ARHGAP36: variants seen among roughly 807,000 people sequenced by gnomAD.
The protein encoded by ARHGAP36 is rho GTPase-activating protein 36.
In ARHGAP36, 7 loss-of-function variants were observed where a neutral mutation model predicts 32.9. The ratio of observed to expected loss-of-function variants is 0.21; its 90% CI spans 0.12 to 0.40. The LOEUF is 0.40. ARHGAP36 is among the 10% of genes least tolerant of loss of function. ARHGAP36 has a pLI of 1.00. For synonymous variants in ARHGAP36, 165 were observed against 168.3 expected, an observed-to-expected ratio of 0.98 and a Z score of 0.15; for missense variants, 383 against 442.2, an observed-to-expected ratio of 0.87 and a Z score of 1.20.
In ARHGAP36 at chrX:131,060,463, CAATAT is replaced by C. The variant is rs761725755; in HGVS notation, c.-143+2021_-143+2025del. On this transcript the variant is annotated intron_variant, in intron 1 of 11. Coordinates refer to ENST00000276211, the MANE Select transcript of ARHGAP36 (RefSeq NM_144967.4). ...CACCACATACTTTCCACACACAACACAATATACTCACATCACCTGTGTATGCACCA... is the reference window on the plus strand; with the variant it reads ...CACCACATACTTTCCACACACAACACACTCACATCACCTGTGTATGCACCA... Among the ~76,000 whole-genome samples, 44 of 112,359 alleles carry C rather than the reference CAATAT, an allele frequency of 3.9e-4. 1 individual carries two copies. The Admixed American group carries it at 4.0e-3, about 10-fold the overall frequency.
Position 131,084,526 on chromosome X carries a change from C to T in ARHGAP36, c.749-100C>T, listed in dbSNP as rs2079823918. On this transcript the variant is annotated intron_variant, in intron 5 of 11. Transcript: ENST00000276211. ...GGGCTTGGATAACATTCCCCTGACACCCAGTGGAGGTCGCGATGCAGTAGG... is the reference window on the plus strand; with the variant it reads ...GGGCTTGGATAACATTCCCCTGACATCCAGTGGAGGTCGCGATGCAGTAGG... 3.5e-6 allele frequency: 4 copies of T among 1,129,691 alleles called. No individual in the cohort carries two copies. The Admixed American group carries it at 9.0e-5, about 25-fold the overall frequency. 93.1% of individuals were successfully genotyped at this position (1,129,691 alleles called of 1,213,427 possible).
In ARHGAP36 at chrX:131,058,387, A is replaced by G; in HGVS notation, c.-200A>G. 28 of 1,124,909 alleles carry G rather than the reference A, an allele frequency of 2.5e-5. No homozygotes were observed. Among genetic ancestry groups the G allele is most frequent in the Non-Finnish European group, 3.2e-5 (27 of 852,089 alleles). 92.7% of individuals were successfully genotyped at this position (1,124,909 alleles called of 1,213,427 possible). On this transcript the variant is annotated 5_prime_UTR_variant, in exon 1 of 12. The change abolishes an upstream ATG in the 5' untranslated region. Transcript: ENST00000276211. Reference sequence around the variant, plus strand: ...AGCTGCCGGGCACTCAGCGCGGGTCATGGCGTGGATACTGGACTGCCTTTT... The same window carrying G: ...AGCTGCCGGGCACTCAGCGCGGGTCGTGGCGTGGATACTGGACTGCCTTTT...
chrX:131,067,398 C>T (rs1009565231), intron 1 of ARHGAP36, among the ~76,000 whole-genome samples: 3 of 113,336 alleles, frequency 2.6e-5, no homozygotes, highest in Non-Finnish European at 5.6e-5. Flanking sequence ...ACGTGCGGTG[C>T]CCTCCTCTTC....
intron 2 of ARHGAP36, among the ~76,000 whole-genome samples, chrX:131,082,624 A>C (rs916463949): frequency 5.3e-5 from 6 of 113,457 alleles, no homozygotes; most frequent in Non-Finnish European, 9.4e-5. Context: ...CCGCGAACGC[A>C]GCTTGAATTG....
intron 1 of ARHGAP36, 78 bp downstream of exon 1, chrX:131,058,522 C>G: frequency 2.2e-6 from 2 of 906,646 alleles, no homozygotes; most frequent in Non-Finnish European, 2.8e-6. Flanking sequence ...CTCTGGGCGC[C>G]CTGGGGCTTG....
chrX:131,076,739 C>T (rs2079764634), intron 1 of ARHGAP36, among the ~76,000 whole-genome samples: 1 of 112,122 alleles, frequency 8.9e-6, no homozygotes, highest in South Asian at 3.7e-4. Flanking sequence ...TGTCAAATTG[C>T]TGTGTGGTCT....
At position 131,084,388 on chromosome X, in the gene ARHGAP36, C is replaced by T. The variant is rs1387110319; in HGVS notation, c.729C>T (p.Cys243=). The change falls in exon 5 of 12, where the codon TGC becomes TGT. Residue 243 remains cysteine (C), a synonymous_variant. Coordinates refer to ENST00000276211, the MANE Select transcript of ARHGAP36 (RefSeq NM_144967.4). ...TCCCCCAGGTTGTTGAGGCTTGCTGCCAATTCATTGAAAAACATGGTAAGG... is the reference window on the plus strand; with the variant it reads ...TCCCCCAGGTTGTTGAGGCTTGCTGTCAATTCATTGAAAAACATGGTAAGG... ...KQIPQVVEAC[C]QFIEKHGLSA... is the part of the protein sequence containing the mutation. 1 of 1,206,237 alleles carries T rather than the reference C, an allele frequency of 8.3e-7. No homozygotes were observed. The highest frequency in any genetic ancestry group is 1.8e-5 in the South Asian group (1 of 55,683).
At chrX:131,080,127 G>A (rs1418095973) in intron 1 of ARHGAP36, among the ~76,000 whole-genome samples, 1 of 111,419 alleles carries the variant, frequency 9.0e-6, no homozygotes, top group East Asian at 2.8e-4. Context: ...TGGCTTATAG[G>A]GCCATCCATG....
intron 1 of ARHGAP36, among the ~76,000 whole-genome samples, chrX:131,070,927 C>G (rs139120642): frequency 0.027 from 2,998 of 109,460 alleles, 114 homozygotes; most frequent in African/African-American, 0.094. Flanking sequence ...GTTTTCTTTT[C>G]CTCTCCGGCG....
chrX:131,077,764 C>CATATATATATAT lies in ARHGAP36; in HGVS notation c.-142-3729_-142-3718dup, dbSNP rs72142237. Among the ~76,000 whole-genome samples the CATATATATATAT allele has an allele frequency of 2.8e-3, 242 of 86,884 alleles. 13 individuals carry two copies. Among genetic ancestry groups the CATATATATATAT allele is most frequent in the African/African-American group, 9.2e-3 (180 of 19,474 alleles). The allele number at this position is 86,884 out of a possible 115,157, so 75.4% of individuals were successfully genotyped here. ...GCCCCTTTACTTATCCAAATAAAAT[C>CATATATATATAT]ATATATATATATATATATATATATA... On this transcript the variant is annotated intron_variant, in intron 1 of 11. Coordinates refer to ENST00000276211, the MANE Select transcript of ARHGAP36 (RefSeq NM_144967.4).
At chrX:131,060,935 T>C (rs2079665041) in intron 1 of ARHGAP36, among the ~76,000 whole-genome samples, 1 of 112,173 alleles carries the variant, frequency 8.9e-6, no homozygotes, top group African/African-American at 3.2e-5. Flanking sequence ...GGTAACTTTG[T>C]GGGTAACTAT....
At position 131,083,930 on chromosome X, in the gene ARHGAP36, G is replaced by A. The variant is rs142660592; in HGVS notation, c.516G>A (p.Glu172=). Residue 172 remains glutamate (E), a synonymous_variant, in exon 4 of 12, where the codon GAG becomes GAA. Transcript: ENST00000276211. ...IRRFFSRRRN[E]PTLPREFTRR... ...GCTTTTTCAGTCGCAGGCGGAATGAGCCCACCTTGCCCCGGGAGTTCACTC... is the reference window on the plus strand; with the variant it reads ...GCTTTTTCAGTCGCAGGCGGAATGAACCCACCTTGCCCCGGGAGTTCACTC... The A allele has an allele frequency of 3.1e-4, 380 of 1,210,181 alleles. 2 individuals are homozygous for A. Among genetic ancestry groups the A allele is most frequent in the Non-Finnish European group, 7.5e-5 (67 of 895,331 alleles).
intron 3 of ARHGAP36, 84 bp from the exon 4 acceptor site, chrX:131,083,650 A>C: frequency 1.0e-6 from 1 of 974,011 alleles, no homozygotes; most frequent in Non-Finnish European, 1.5e-6. Context: ...GGTTGCTGGG[A>C]GGAGTGCTAC....
chrX:131,074,338 AGTGTGT>A (rs55741600), intron 1 of ARHGAP36, among the ~76,000 whole-genome samples: 5 of 103,239 alleles, frequency 4.8e-5, no homozygotes, highest in Admixed American at 3.1e-4. Flanking sequence ...TATGTGTGTG[AGTGTGT>A]GTGTGTGTGT....
chrX:131,081,438 T>G, intron 1 of ARHGAP36, 86 bp from the exon 2 acceptor site: 1 of 708,607 alleles, frequency 1.4e-6, no homozygotes. Flanking sequence ...CTCTTTGTAC[T>G]TTTTTTTTCT....
chrX:131,062,115 C>T (rs1247214630), intron 1 of ARHGAP36, among the ~76,000 whole-genome samples: 3 of 111,785 alleles, frequency 2.7e-5, no homozygotes, highest in African/African-American at 9.8e-5. Context: ...GTGATATATC[C>T]CCTTATTAGA....
chrX:131,060,926 G>T lies in ARHGAP36; in HGVS notation c.-143+2482G>T, dbSNP rs1211720652. 3.6e-5 allele frequency among the ~76,000 whole-genome samples: 4 copies of T among 112,236 alleles called. No homozygotes were observed. The East Asian group carries it at 1.1e-3, about 31-fold the overall frequency. On this transcript the variant is annotated intron_variant, in intron 1 of 11. Coordinates refer to ENST00000276211, the MANE Select transcript of ARHGAP36 (RefSeq NM_144967.4). The stretch of plus-strand genomic sequence containing the variant: ...TGAGAAATGCTGTACAATGTGAAGG[G>T]TAACTTTGTGGGTAACTATTGATAT...
At chrX:131,084,478 G>T (rs1189771494) in intron 5 of ARHGAP36, 71 bp downstream of exon 5, 11 of 1,141,727 alleles carry the variant, frequency 9.6e-6, no homozygotes, top group Non-Finnish European at 1.2e-5. Context: ...GGAAATGGGG[G>T]GAGAAAAGAG....
chrX:131,089,536 C>T lies in ARHGAP36; in HGVS notation c.*751C>T, dbSNP rs1035643959. On this transcript the variant is annotated 3_prime_UTR_variant, in exon 12 of 12. Transcript: ENST00000276211. The stretch of plus-strand genomic sequence containing the variant: ...TTTAAAGACAATTGGTGTTTACACC[C>T]TCTTGTCAGCAAAACAGCTAGTTAG... 1.8e-5 allele frequency: 2 copies of T among 113,149 alleles called. No individual in the cohort carries two copies. The highest frequency in any genetic ancestry group is 3.7e-5 in the Non-Finnish European group (2 of 53,418). 9.3% of individuals were successfully genotyped at this position (113,149 alleles called of 1,213,427 possible).
Sources: gnomAD v4.1 joint callset for allele counts (sites outside exome capture counted in the v4.1 genomes callset) on GRCh38, gnomAD v4.1.1 for gene constraint, MANE v1.5 for transcripts, NCBI Gene and HGNC (gene_info 2026-07-23, HGNC 2026-07-21) for gene names.